Variants in PARD3B observed in about 807,000 individuals in gnomAD.
PARD3B encodes the protein par-3 family cell polarity regulator beta.
A neutral mutation model predicts 130.2 loss-of-function variants in PARD3B; 103 were observed. The ratio of observed to expected loss-of-function variants is 0.79; its 90% confidence interval spans 0.67 to 0.93. The LOEUF is 0.93. PARD3B is among the 40% of genes least tolerant of loss of function. PARD3B has a pLI of 0.00. For synonymous variants in PARD3B, 583 were observed against 553.2 expected, an observed-to-expected ratio of 1.05 and a Z score of -0.76; for missense variants, 1,609 against 1,499.2, an observed-to-expected ratio of 1.07 and a Z score of -1.21.
intron 19 of PARD3B, among the ~76,000 whole-genome samples, chr2:205,420,333 A>G (rs973741050): frequency 6.6e-6 from 1 of 152,204 alleles, no homozygotes; most frequent in African/African-American, 2.4e-5. Context: ...TAATAGCTTT[A>G]GTAGTATTAG....
intron 16 of PARD3B, among the ~76,000 whole-genome samples, chr2:205,260,976 A>T (rs2040282710): frequency 6.6e-6 from 1 of 152,022 alleles, no homozygotes; most frequent in Admixed American, 6.5e-5. Flanking sequence ...TCCTAGATTC[A>T]GCATTTACCT....
At chr2:204,725,378 A>G (rs2039178958) in intron 2 of PARD3B, among the ~76,000 whole-genome samples, 2 of 152,216 alleles carry the variant, frequency 1.3e-5, no homozygotes, top group Non-Finnish European at 2.9e-5. Flanking sequence ...CAATTTAACC[A>G]GAAAATATGA....
At position 205,490,589 on chromosome 2, in the gene PARD3B, T is replaced by C. The variant is rs537054283; in HGVS notation, c.3045-9307T>C. On this transcript the variant is annotated intron_variant, in intron 20 of 22. Transcript: ENST00000406610. ...ATAAACATACGTGTGCATGTGTCTT[T>C]ATAGCAGCATGATTTATAATCCTTC... 9.9e-4 allele frequency among the ~76,000 whole-genome samples: 151 copies of C among 152,348 alleles called. 3 individuals are homozygous for C. In the South Asian group the frequency reaches 0.031, roughly 31 times the overall value.
chr2:204,691,581 A>G (rs1201711913), intron 2 of PARD3B, among the ~76,000 whole-genome samples: 1 of 152,094 alleles, frequency 6.6e-6, no homozygotes, highest in Non-Finnish European at 1.5e-5. Flanking sequence ...AAATGAATAT[A>G]ATGTTCTTAC....
intron 3 of PARD3B, among the ~76,000 whole-genome samples, chr2:204,995,050 T>C (rs1394247560): frequency 1.3e-5 from 2 of 151,740 alleles, no homozygotes; most frequent in Admixed American, 1.3e-4. Flanking sequence ...CCAGTCTGTG[T>C]CTTTTAATTG....
intron 15 of PARD3B, among the ~76,000 whole-genome samples, chr2:205,238,585 A>C (rs1372376166): frequency 2.6e-5 from 4 of 152,026 alleles, no homozygotes; most frequent in Admixed American, 2.0e-4. Context: ...TAATCCCAGC[A>C]CTTTGGGAGG....
At chr2:204,765,387 G>T (rs2041101199) in intron 2 of PARD3B, among the ~76,000 whole-genome samples, 1 of 152,162 alleles carries the variant, frequency 6.6e-6, no homozygotes, top group Admixed American at 6.6e-5. Context: ...TCTTCTTGCT[G>T]CAAGAAGATC....
chr2:205,580,716 T>C (rs773918930), intron 22 of PARD3B, among the ~76,000 whole-genome samples: 68 of 152,202 alleles, frequency 4.5e-4, no homozygotes, highest in Non-Finnish European at 8.2e-4. Flanking sequence ...CTCTTAATGA[T>C]AGTCATATAA....
rs145066941 is a variant in PARD3B at position 204,854,828 on chromosome 2, C to T, written c.223-110324C>T. Reference sequence around the variant, plus strand: ...ATACACCCTGGGGTTCATCACTGCGCGCCAGGAAAATTTAGGTCCTGGACA... The same window carrying T: ...ATACACCCTGGGGTTCATCACTGCGTGCCAGGAAAATTTAGGTCCTGGACA... On this transcript the variant is annotated intron_variant, in intron 2 of 22. Coordinates refer to ENST00000406610, the MANE Select transcript of PARD3B (RefSeq NM_001302769.2). Among the ~76,000 whole-genome samples, 337 of 152,094 alleles carry T rather than the reference C, an allele frequency of 2.2e-3. 1 individual carries two copies. The highest frequency in any genetic ancestry group is 7.6e-3 in the African/African-American group (314 of 41,498).
chr2:204,999,994 A>G (rs1379464829), intron 3 of PARD3B, among the ~76,000 whole-genome samples: 4 of 151,980 alleles, frequency 2.6e-5, no homozygotes, highest in Non-Finnish European at 4.4e-5. Context: ...CCAATGAGAA[A>G]TATAAGGAGT....
At chr2:205,523,894 T>A (rs1277508652) in intron 21 of PARD3B, among the ~76,000 whole-genome samples, 2 of 150,570 alleles carry the variant, frequency 1.3e-5, no homozygotes, top group Non-Finnish European at 2.9e-5. Context: ...AATCTGATGA[T>A]AATATTCTTT....
intron 2 of PARD3B, among the ~76,000 whole-genome samples, chr2:204,948,959 G>A (rs1020422531): frequency 5.3e-5 from 8 of 152,102 alleles, no homozygotes; most frequent in African/African-American, 1.9e-4. Flanking sequence ...TTGATGAACT[G>A]TACTGGTTTT....
intron 18 of PARD3B, among the ~76,000 whole-genome samples, chr2:205,400,590 G>A (rs1364956805): frequency 3.3e-5 from 5 of 151,728 alleles, no homozygotes; most frequent in Non-Finnish European, 4.4e-5. Context: ...TTCAGTGAAC[G>A]AAGATCACAC....
intron 21 of PARD3B, among the ~76,000 whole-genome samples, chr2:205,538,254 A>C (rs1275661583): frequency 1.3e-5 from 2 of 152,232 alleles, no homozygotes; most frequent in Admixed American, 6.5e-5. Context: ...GTTCTGTCTG[A>C]CAGGCTTCCC....
intron 21 of PARD3B, 101 bp from the exon 22 acceptor site, chr2:205,553,223 G>A: frequency 9.4e-7 from 1 of 1,066,048 alleles, no homozygotes. Flanking sequence ...ATTTTTGGCA[G>A]GCAGTAACAG....
intron 2 of PARD3B, among the ~76,000 whole-genome samples, chr2:204,841,392 C>CA (rs2125588246): frequency 6.6e-6 from 1 of 152,040 alleles, no homozygotes; most frequent in African/African-American, 2.4e-5. Context: ...AAGAACAAGG[C>CA]AAAAAATTCC....
intron 18 of PARD3B, among the ~76,000 whole-genome samples, chr2:205,365,196 G>A (rs1199321923): frequency 4.1e-5 from 4 of 97,310 alleles, no homozygotes; most frequent in South Asian, 4.7e-4. Context: ...GTAAAACTCC[G>A]TGTCAAAAAA....
chr2:205,501,125 T>G (rs2106344440), intron 21 of PARD3B, among the ~76,000 whole-genome samples: 1 of 152,290 alleles, frequency 6.6e-6, no homozygotes, highest in African/African-American at 2.4e-5. Context: ...TGCGTTCATC[T>G]CTACACTGGG....
In PARD3B at chr2:205,575,906, G is replaced by C. The variant is rs1413675560; in HGVS notation, c.3260+22503G>C. On this transcript the variant is annotated intron_variant, in intron 22 of 22. Coordinates refer to ENST00000406610, the MANE Select transcript of PARD3B (RefSeq NM_001302769.2). This position sits in a 1 kb window ranked among gnomAD's most constrained non-coding sequence, Gnocchi z 4.6. ...TAAATACCAAGGAACATGACTGCTG[G>C]ATCAAGTGGCGAGACAATGTTTAGT... is the stretch of plus-strand genomic sequence containing the variant. Among the ~76,000 whole-genome samples, 1 of 152,136 alleles carries C rather than the reference G, an allele frequency of 6.6e-6. No homozygotes were observed. The highest frequency in any genetic ancestry group is 1.5e-5 in the Non-Finnish European group (1 of 68,036).
Sources: allele counts gnomAD v4.1 joint callset (sites outside exome capture counted in the v4.1 genomes callset), GRCh38; gene constraint gnomAD v4.1.1; non-coding constraint Gnocchi (gnomAD v3.1); transcripts MANE v1.5; gene names NCBI Gene and HGNC (gene_info 2026-07-23, HGNC 2026-07-21).